The following DAZL variants were observed in gnomAD, a reference collection of about 807,000 sequenced individuals.
The protein encoded by DAZL is deleted in azoospermia-like.
Under a neutral mutation model 45.0 loss-of-function variants are expected in DAZL, and 4 were observed. The observed-to-expected ratio is 0.09, with a 90% CI of 0.04 to 0.20. The LOEUF is 0.20. DAZL is among the 10% of genes least tolerant of loss of function. The probability of loss-of-function intolerance (pLI) is 1.00; values close to 1 mark genes in which losing one functional copy is unlikely to be tolerated. For missense variants in DAZL, 326 were observed against 351.3 expected (o/e 0.93, Z 0.58); for synonymous variants, 122 against 112.4 (o/e 1.09, Z -0.54).
intron 8 of DAZL, 58 bp downstream of exon 8, chr3:16,594,475 A>C: frequency 7.6e-7 from 1 of 1,311,240 alleles, no homozygotes. Context: ...AAATATAGTT[A>C]AACAAAAAAA....
At chr3:16,604,845 G>T in intron 1 of DAZL, 1 of 772,784 alleles carries the variant, frequency 1.3e-6, no homozygotes, top group East Asian at 3.0e-5. Context: ...GGGGCGGGGT[G>T]GGGCAGTCGG....
intron 1 of DAZL, among the ~76,000 whole-genome samples, chr3:16,603,896 A>T (rs1001293894): frequency 6.6e-6 from 1 of 152,178 alleles, no homozygotes; most frequent in South Asian, 2.1e-4. Context: ...TTTAACGGTT[A>T]TAAGTGTTGG....
At chr3:16,604,224 G>C (rs901049227) in intron 1 of DAZL, among the ~76,000 whole-genome samples, 1 of 152,070 alleles carries the variant, frequency 6.6e-6, no homozygotes, top group Admixed American at 6.6e-5. Flanking sequence ...TGTAATACGC[G>C]CGTTCGTGAC....
chr3:16,598,989 G>A (rs1490324140), intron 1 of DAZL, among the ~76,000 whole-genome samples: 4 of 151,914 alleles, frequency 2.6e-5, no homozygotes, highest in Non-Finnish European at 5.9e-5. Flanking sequence ...CTCCATGTTG[G>A]CCAGGCTGGT....
intron 1 of DAZL, among the ~76,000 whole-genome samples, chr3:16,601,641 A>G (rs1191659624): frequency 6.6e-6 from 1 of 152,238 alleles, no homozygotes; most frequent in African/African-American, 2.4e-5. Context: ...AATTTTAAAG[A>G]AAGTACCATC....
chr3:16,595,353 C>T lies in DAZL; in HGVS notation c.531G>A (p.Gln177=), dbSNP rs1426840465. ...AYPTYPNSPV[Q]VITGYQLPVY... is the part of the protein sequence containing the mutation. ...CAGGCAACTGATATCCAGTGATGAC[C>T]TGAACTGGTGAATTTGGGTAAGTAG... The change falls in exon 7 of 11, where the codon CAG becomes CAA. Residue 177 remains glutamine, a synonymous_variant. Transcript: ENST00000399444. 5 of 1,583,648 alleles carry T rather than the reference C, an allele frequency of 3.2e-6. No homozygotes were observed. Among genetic ancestry groups the T allele is most frequent in the Non-Finnish European group, 4.3e-6 (5 of 1,160,860 alleles).
At chr3:16,594,450 T>C in intron 8 of DAZL, 83 bp downstream of exon 8, 2 of 1,043,638 alleles carry the variant, frequency 1.9e-6, no homozygotes, top group African/African-American at 1.6e-5. Context: ...ATATATGACA[T>C]GGAAAACAAT....
chr3:16,597,964 C>A, intron 3 of DAZL, 123 bp downstream of exon 3: 2 of 1,065,424 alleles, frequency 1.9e-6, no homozygotes, highest in Non-Finnish European at 1.3e-6. Context: ...AACTTTTATC[C>A]TCTACATGAA....
At chr3:16,592,187 T>C in intron 9 of DAZL, 39 bp from the exon 10 acceptor site, 1 of 1,604,514 alleles carries the variant, frequency 6.2e-7, no homozygotes, top group East Asian at 2.2e-5. Context: ...AAGACGACTC[T>C]TTCACTCACT....
In DAZL at chr3:16,592,109, G is replaced by A. The variant is rs560183588; in HGVS notation, c.775C>T (p.Leu259=). 1.2e-5 allele frequency: 19 copies of A among 1,613,682 alleles called. No individual in the cohort carries two copies. In the African/African-American group the frequency reaches 1.2e-4, roughly 10 times the overall value. The change falls in exon 10 of 11, where the codon CTG becomes TTG. Residue 259 remains leucine (L), a synonymous_variant. Transcript: ENST00000399444. ...DRSIQTVVSC[L]FNPENRLRNS... ...CTCAGTCTGTTCTCTGGATTAAACA[G>A]ACAAGATACCACCGTTTGTATGCTT...
At chr3:16,591,941 G>C (rs1328617121) in intron 10 of DAZL, 109 bp downstream of exon 10, 6 of 1,300,074 alleles carry the variant, frequency 4.6e-6, no homozygotes, top group Non-Finnish European at 6.6e-6. Flanking sequence ...AATGCCAACA[G>C]TTAATTAAAT....
chr3:16,598,305 T>A (rs1694631637), intron 2 of DAZL, 127 bp from the exon 3 acceptor site: 1 of 1,403,738 alleles, frequency 7.1e-7, no homozygotes, highest in Non-Finnish European at 1.0e-6. Context: ...TAGCTCTTTG[T>A]CAAAGATATT....
At chr3:16,596,593 A>C (rs1300129255) in intron 6 of DAZL, among the ~76,000 whole-genome samples, 157 bp downstream of exon 6, 3 of 152,124 alleles carry the variant, frequency 2.0e-5, no homozygotes, top group Non-Finnish European at 4.4e-5. Context: ...AACAACACTA[A>C]GAATAAGAAA....
intron 8 of DAZL, 41 bp downstream of exon 8, chr3:16,594,492 T>C (rs1405606173): frequency 1.4e-6 from 2 of 1,471,072 alleles, no homozygotes; most frequent in Non-Finnish European, 9.3e-7. Flanking sequence ...AAAAAATACT[T>C]TAAAATAACA....
chr3:16,592,179 G>C (rs1262143297), intron 9 of DAZL, 31 bp from the exon 10 acceptor site: 1 of 1,607,306 alleles, frequency 6.2e-7, no homozygotes, highest in Non-Finnish European at 8.5e-7. Context: ...GTAATGTAAA[G>C]ACGACTCTTT....
chr3:16,604,037 ATAAT>A (rs976013293), intron 1 of DAZL, among the ~76,000 whole-genome samples: 5 of 152,262 alleles, frequency 3.3e-5, no homozygotes, highest in East Asian at 1.9e-4. Context: ...GTTATAATAA[ATAAT>A]TACTTACAAC....
At chr3:16,598,838 C>G (rs1694640631) in intron 1 of DAZL, among the ~76,000 whole-genome samples, 1 of 149,796 alleles carries the variant, frequency 6.7e-6, no homozygotes, top group South Asian at 2.1e-4. Flanking sequence ...GGCTGGAGTG[C>G]AATGGCGTGA....
intron 10 of DAZL, among the ~76,000 whole-genome samples, chr3:16,590,316 T>C (rs1694498479): frequency 7.9e-6 from 1 of 127,180 alleles, no homozygotes; most frequent in South Asian, 2.3e-4. Flanking sequence ...GCTCTACTCT[T>C]CTACATTATA....
chr3:16,595,880 A>G (rs1254370047), intron 6 of DAZL, among the ~76,000 whole-genome samples: 1 of 152,174 alleles, frequency 6.6e-6, no homozygotes, highest in East Asian at 1.9e-4. Context: ...ACTGGAAAAG[A>G]AACAGTATAA....
Sources: allele counts gnomAD v4.1 joint callset (sites outside exome capture counted in the v4.1 genomes callset), GRCh38; gene constraint gnomAD v4.1.1; transcripts MANE v1.5; gene names NCBI Gene and HGNC (gene_info 2026-07-23, HGNC 2026-07-21).